Variants in ANKMY1 observed in about 807,000 individuals in gnomAD.
The protein encoded by ANKMY1 is ankyrin repeat and MYND domain-containing protein 1.
A neutral mutation model predicts 102.0 loss-of-function variants in ANKMY1; 98 were observed. The ratio of observed to expected loss-of-function variants is 0.96; its 90% confidence interval spans 0.82 to 1.14. The LOEUF is 1.14. Among genes scored for constraint, ANKMY1 ranks in the 50% most tolerant of loss-of-function variants. The probability of loss-of-function intolerance (pLI) is 0.00; values close to 1 mark genes in which losing one functional copy is unlikely to be tolerated. For missense variants in ANKMY1, 1,330 were observed against 1,347.6 expected (o/e 0.99, Z 0.20); for synonymous variants, 582 against 559.9 (o/e 1.04, Z -0.56).
chr2:240,479,685 GA>G, intron 17 of ANKMY1, 30 bp from the exon 18 acceptor site: 1 of 1,608,886 alleles, frequency 6.2e-7, no homozygotes, highest in Non-Finnish European at 8.5e-7. Context: ...GGGGGAGGGG[GA>G]AGAGGGGGCT....
At chr2:240,473,049 G>A in the ANKMY1 span, among the ~76,000 whole-genome samples, 13 of 151,352 alleles carry the variant, frequency 8.6e-5, no homozygotes, top group South Asian at 2.1e-4. Context: ...TCTTGAACCC[G>A]GGAGACGGAG....
chr2:240,485,955 TAAA>T (rs898402204), intron 15 of ANKMY1, among the ~76,000 whole-genome samples: 1 of 152,236 alleles, frequency 6.6e-6, no homozygotes, highest in Admixed American at 6.5e-5. Flanking sequence ...AGTGAGATAT[TAAA>T]AAGTTATTCC....
At chr2:240,521,782 G>A (rs538776915) in intron 8 of ANKMY1, among the ~76,000 whole-genome samples, 10 of 152,256 alleles carry the variant, frequency 6.6e-5, no homozygotes, top group Non-Finnish European at 1.0e-4. Flanking sequence ...ACAGGAGTGA[G>A]CCACTGCGCC....
At chr2:240,474,668 T>A (rs916345868), downstream of ANKMY1, among the ~76,000 whole-genome samples, 1 of 152,180 alleles carries the variant, frequency 6.6e-6, no homozygotes, top group African/African-American at 2.4e-5. Context: ...TGAGAACATG[T>A]GGTATTTAGT....
intron 15 of ANKMY1, among the ~76,000 whole-genome samples, chr2:240,495,858 G>A (rs1165294211): frequency 6.6e-6 from 1 of 152,120 alleles, no homozygotes; most frequent in East Asian, 1.9e-4. Context: ...ATTCACTCCT[G>A]ATGCCCAGCC....
At chr2:240,528,059 C>T (rs1276618428) in intron 5 of ANKMY1, among the ~76,000 whole-genome samples, 1 of 152,136 alleles carries the variant, frequency 6.6e-6, no homozygotes, top group Non-Finnish European at 1.5e-5. Context: ...GAGGCTGAGG[C>T]GGGTGGATCA....
downstream of ANKMY1, chr2:240,479,408 C>T (rs547909599): frequency 4.8e-5 from 32 of 664,460 alleles, no homozygotes; most frequent in Non-Finnish European, 8.4e-5. Context: ...CAGCTAGGGG[C>T]AGAGCACAGC....
chr2:240,470,924 A>G, the ANKMY1 span, among the ~76,000 whole-genome samples: 1 of 152,158 alleles, frequency 6.6e-6, no homozygotes, highest in Non-Finnish European at 1.5e-5. Flanking sequence ...AAGTGGGGAG[A>G]GTGGTGTATC....
rs1559338955 is a variant in ANKMY1 at position 240,529,345 on chromosome 2, G to C, written c.645C>G (p.Thr215=). ...LRYPEFSSFI[T]HSPARISLSE... Reference sequence around the variant, plus strand: ...AGAGGCTGATCCTGGCAGGGCTGTGGGTGATGAAGCTGGAGAACTCAGGGT... The same window carrying C: ...AGAGGCTGATCCTGGCAGGGCTGTGCGTGATGAAGCTGGAGAACTCAGGGT... The change falls in exon 5 of 18, where the codon ACC becomes ACG. Residue 215 remains threonine, a synonymous_variant. Coordinates refer to ENST00000401804, the MANE Select transcript of ANKMY1 (RefSeq NM_001282771.3). This position sits in a 1 kb window ranked among gnomAD's most constrained non-coding sequence, Gnocchi z 4.2. 1 of 1,614,178 alleles carries C rather than the reference G, an allele frequency of 6.2e-7. No individual in the cohort carries two copies. Among genetic ancestry groups the C allele is most frequent in the East Asian group, 2.2e-5 (1 of 44,870 alleles).
At position 240,500,043 on chromosome 2, in the gene ANKMY1, C is replaced by T. The variant is rs888339693; in HGVS notation, c.2721G>A (p.Leu907=). 1.9e-6 allele frequency: 3 copies of T among 1,612,908 alleles called. No individual in the cohort carries two copies. Among genetic ancestry groups the T allele is most frequent in the South Asian group, 1.1e-5 (1 of 91,002 alleles). The change falls in exon 15 of 18, where the codon CTG becomes CTA. Residue 907 remains leucine, a synonymous_variant. Coordinates refer to ENST00000401804, the MANE Select transcript of ANKMY1 (RefSeq NM_001282771.3). ...RETFLARKRL[L]EYMGLQLRQA... ...GCCGTAGCTGCAAGCCCATGTACTCCAGGAGCCGCTTCCGCGCCAGGAACG... is the reference window on the plus strand; with the variant it reads ...GCCGTAGCTGCAAGCCCATGTACTCTAGGAGCCGCTTCCGCGCCAGGAACG...
rs1267062428 is a variant in ANKMY1 at position 240,525,778 on chromosome 2, C to T, written c.1242G>A (p.Glu414=). ...CGADVNKCSD[E]GLTALSMCFL... ...AACACATGCTGAGTGCCGTGAGACC[C>T]TCATCTGAGCACTTGTTCACGTCGG... is the stretch of plus-strand genomic sequence containing the variant. Residue 414 remains glutamate, a synonymous_variant, in exon 7 of 18, where the codon GAG becomes GAA. Transcript: ENST00000401804. 3.1e-6 allele frequency: 5 copies of T among 1,614,172 alleles called. No homozygotes were observed. The highest frequency in any genetic ancestry group is 4.2e-6 in the Non-Finnish European group (5 of 1,180,020).
At chr2:240,478,090 A>T (rs2074975796), downstream of ANKMY1, among the ~76,000 whole-genome samples, 1 of 149,684 alleles carries the variant, frequency 6.7e-6, no homozygotes, top group Non-Finnish European at 1.5e-5. Flanking sequence ...CTGTTTTGAA[A>T]AGTGTGTGGC....
In ANKMY1 at chr2:240,525,790, C is replaced by T; in HGVS notation, c.1230G>A (p.Lys410=). Residue 410 remains lysine (K), a synonymous_variant, in exon 7 of 18, where the codon AAG becomes AAA. Coordinates refer to ENST00000401804, the MANE Select transcript of ANKMY1 (RefSeq NM_001282771.3). ...GTGCCGTGAGACCCTCATCTGAGCA[C>T]TTGTTCACGTCGGCCCCACAGTCCA... The part of the protein sequence containing the change: ...LLLDCGADVN[K]CSDEGLTALS... The T allele has an allele frequency of 1.2e-6, 2 of 1,614,132 alleles. No homozygotes were observed. The highest frequency in any genetic ancestry group is 1.7e-6 in the Non-Finnish European group (2 of 1,180,018).
intron 13 of ANKMY1, 48 bp downstream of exon 13, chr2:240,507,512 C>T: frequency 6.4e-7 from 1 of 1,557,834 alleles, no homozygotes; most frequent in Non-Finnish European, 8.7e-7. Flanking sequence ...GCCACCCCAC[C>T]ACCCTCAAAC....
At chr2:240,521,665 A>AT (rs1283531099) in intron 8 of ANKMY1, among the ~76,000 whole-genome samples, 2 of 151,808 alleles carry the variant, frequency 1.3e-5, no homozygotes, top group East Asian at 3.9e-4. Flanking sequence ...CGCCTGGCTA[A>AT]TTTTTTGTAT....
At chr2:240,545,858 T>C (rs1278602284) in intron 4 of ANKMY1, among the ~76,000 whole-genome samples, 1 of 152,144 alleles carries the variant, frequency 6.6e-6, no homozygotes, top group Non-Finnish European at 1.5e-5. Context: ...TACGGGACTA[T>C]GTGAAAAGAC....
At chr2:240,546,795 C>T (rs984161175) in intron 4 of ANKMY1, among the ~76,000 whole-genome samples, 66 of 152,302 alleles carry the variant, frequency 4.3e-4, no homozygotes, top group African/African-American at 1.4e-3. Flanking sequence ...GGGATCAATT[C>T]GACAAGAAGA....
intron 9 of ANKMY1, among the ~76,000 whole-genome samples, chr2:240,515,841 C>T (rs1048718146): frequency 1.3e-5 from 2 of 151,894 alleles, no homozygotes; most frequent in African/African-American, 4.8e-5. Flanking sequence ...CCTCAGCCTC[C>T]CGAGTAGCTG....
At chr2:240,484,651 T>G (rs2151869482) in intron 15 of ANKMY1, among the ~76,000 whole-genome samples, 1 of 152,272 alleles carries the variant, frequency 6.6e-6, no homozygotes, top group African/African-American at 2.4e-5. Context: ...AGGCAAAGAC[T>G]TCATGACTAA....
Sources: allele counts gnomAD v4.1 joint callset (sites outside exome capture counted in the v4.1 genomes callset), GRCh38; gene constraint gnomAD v4.1.1; non-coding constraint Gnocchi (gnomAD v3.1); transcripts MANE v1.5; gene names NCBI Gene and HGNC (gene_info 2026-07-23, HGNC 2026-07-21).